SMPX: variants seen among roughly 807,000 people sequenced by gnomAD.
SMPX encodes the protein small muscular protein.
In SMPX, 2 loss-of-function variants were observed where a neutral mutation model predicts 6.3. The observed-to-expected ratio is 0.32, with a 90% CI of 0.13 to 0.99. SMPX has a LOEUF of 0.99. Among genes scored for constraint, SMPX ranks in the 50% least tolerant of loss-of-function variants. SMPX has a pLI of 0.49. For synonymous variants in SMPX, 32 were observed against 24.7 expected, an observed-to-expected ratio of 1.30 and a Z score of -0.88; for missense variants, 60 against 66.8, an observed-to-expected ratio of 0.90 and a Z score of 0.36.
intron 2 of SMPX, among the ~76,000 whole-genome samples, chrX:21,753,056 C>T (rs190618756): frequency 1.8e-5 from 2 of 111,651 alleles, no homozygotes; most frequent in Admixed American, 1.9e-4. Context: ...CAAGGATGTC[C>T]ACAGGTCTGG....
At chrX:21,741,628 A>T (rs2092816148) in intron 3 of SMPX, among the ~76,000 whole-genome samples, 1 of 111,290 alleles carries the variant, frequency 9.0e-6, no homozygotes, top group Non-Finnish European at 1.9e-5. Flanking sequence ...CCTCCCTAAG[A>T]CTGCACAAAT....
rs61469484 is a variant in SMPX, at chrX:21,728,214, T to TTCTC, written c.*14+9331_*14+9334dup. Among the ~76,000 whole-genome samples the TTCTC allele has an allele frequency of 8.7e-3, 418 of 48,258 alleles. 9 individuals carry two copies. The highest frequency in any genetic ancestry group is 0.012 in the Middle Eastern group (1 of 81). 41.9% of individuals were successfully genotyped at this position (48,258 alleles called of 115,157 possible). A position where few individuals can be genotyped will look rare whatever the true frequency, so the allele number is the denominator to read the frequency against. ...TTCCCCTCCTCTCCCTTCCCCTCCT[T>TTCTC]TCTCTCTCTCTCTCTCTCTCTCTCT... On this transcript the variant is annotated intron_variant, in intron 4 of 4. Transcript: ENST00000379494.
chrX:21,728,214 T>TTC lies in SMPX; in HGVS notation c.*14+9333_*14+9334dup, dbSNP rs61469484. Among the ~76,000 whole-genome samples the TTC allele has an allele frequency of 8.4e-3, 405 of 48,268 alleles. 12 individuals are homozygous for TTC. The highest frequency in any genetic ancestry group is 0.014 in the South Asian group (10 of 739). The allele number at this position is 48,268 out of a possible 115,157, so 41.9% of individuals were successfully genotyped here. A position where few individuals can be genotyped will look rare whatever the true frequency, so the allele number is the denominator to read the frequency against. On this transcript the variant is annotated intron_variant, in intron 4 of 4. Coordinates refer to ENST00000379494, the MANE Select transcript of SMPX (RefSeq NM_014332.3). Reference sequence around the variant, plus strand: ...TTCCCCTCCTCTCCCTTCCCCTCCTTTCTCTCTCTCTCTCTCTCTCTCTCT... The same window carrying TTC: ...TTCCCCTCCTCTCCCTTCCCCTCCTTTCTCTCTCTCTCTCTCTCTCTCTCTCT...
chrX:21,737,976 A>G (rs2092812285), intron 3 of SMPX, among the ~76,000 whole-genome samples: 2 of 112,259 alleles, frequency 1.8e-5, no homozygotes, highest in African/African-American at 6.5e-5. Context: ...AACTAACAAA[A>G]ATTACTACTA....
rs1569306443 is a variant in SMPX at position 21,731,428 on chromosome X, T to TATGTGTGTATGTGTACACATACACATA, written c.*14+6094_*14+6120dup. ...TACATATAATATATATACACACATA[T>TATGTGTGTATGTGTACACATACACATA]ATGTGTGTATGTGTACACATACACA... On this transcript the variant is annotated intron_variant, in intron 4 of 4. Transcript: ENST00000379494. Among the ~76,000 whole-genome samples, 4 of 52,729 alleles carry TATGTGTGTATGTGTACACATACACATA rather than the reference T, an allele frequency of 7.6e-5. 1 individual carries two copies. Among genetic ancestry groups the TATGTGTGTATGTGTACACATACACATA allele is most frequent in the East Asian group, 6.6e-4 (1 of 1,511 alleles). 45.8% of individuals were successfully genotyped at this position (52,729 alleles called of 115,157 possible). A position where few individuals can be genotyped will look rare whatever the true frequency, so the allele number is the denominator to read the frequency against.
At chrX:21,741,190 C>G (rs1455633516) in intron 3 of SMPX, among the ~76,000 whole-genome samples, 1 of 111,814 alleles carries the variant, frequency 8.9e-6, no homozygotes, top group Non-Finnish European at 1.9e-5. Context: ...GGGGAACATC[C>G]TCTTCACATC....
intron 4 of SMPX, among the ~76,000 whole-genome samples, chrX:21,730,319 A>G (rs1183119551): frequency 1.8e-5 from 2 of 112,449 alleles, no homozygotes; most frequent in Non-Finnish European, 3.8e-5. Flanking sequence ...ACTATGAGAA[A>G]TAAATCATCC....
chrX:21,731,454 T>TA (rs1167699627), intron 4 of SMPX, among the ~76,000 whole-genome samples: 2 of 88,911 alleles, frequency 2.2e-5, no homozygotes, highest in Non-Finnish European at 4.5e-5. Context: ...CACATACACA[T>TA]AATGTGTGTA....
intron 4 of SMPX, among the ~76,000 whole-genome samples, chrX:21,719,476 C>G (rs751516424): frequency 1.5e-4 from 16 of 108,733 alleles, no homozygotes; most frequent in Non-Finnish European, 2.9e-4. Flanking sequence ...AGAGGTTGTT[C>G]CACTGCTTTC....
intron 4 of SMPX, among the ~76,000 whole-genome samples, chrX:21,711,848 T>G (rs2092779118): frequency 8.9e-6 from 1 of 112,266 alleles, no homozygotes; most frequent in South Asian, 3.7e-4. Context: ...ATGGTCTGGT[T>G]CCATATGCAA....
intron 3 of SMPX, among the ~76,000 whole-genome samples, chrX:21,741,996 C>T (rs945026818): frequency 1.1e-4 from 12 of 111,979 alleles, no homozygotes; most frequent in Non-Finnish European, 1.9e-4. Flanking sequence ...AAAGTGCTTC[C>T]CCAGTCCCCT....
chrX:21,730,725 T>A (rs2092802248), intron 4 of SMPX, among the ~76,000 whole-genome samples: 1 of 112,242 alleles, frequency 8.9e-6, no homozygotes, highest in African/African-American at 3.2e-5. Context: ...GAAGGGGAAA[T>A]ACCAAAGTCA....
intron 4 of SMPX, among the ~76,000 whole-genome samples, chrX:21,719,350 C>T (rs887707136): frequency 9.0e-6 from 1 of 110,570 alleles, no homozygotes; most frequent in Non-Finnish European, 1.9e-5. Context: ...GAAACCCCAT[C>T]TCTACTAAAA....
intron 3 of SMPX, 93 bp from the exon 4 acceptor site, chrX:21,737,790 C>A: frequency 1.2e-6 from 1 of 852,926 alleles, no homozygotes; most frequent in Non-Finnish European, 1.7e-6. Context: ...ATTAAAGTAA[C>A]AATGATGTCA....
At position 21,752,401 on chromosome X, in the gene SMPX, T is replaced by C. The variant is rs371095389; in HGVS notation, c.45+1845A>G. 8.0e-5 allele frequency among the ~76,000 whole-genome samples: 9 copies of C among 112,172 alleles called. No homozygotes were observed. The South Asian group carries it at 3.4e-3, about 42-fold the overall frequency. On this transcript the variant is annotated intron_variant, in intron 2 of 4. Transcript: ENST00000379494. ...CTTCTGGAGGTTCAAATGCAGTGAT[T>C]AAATGATATTACTTCTCACAACTTT...
intron 4 of SMPX, among the ~76,000 whole-genome samples, chrX:21,716,273 A>G (rs2092785007): frequency 8.9e-6 from 1 of 112,082 alleles, no homozygotes; most frequent in African/African-American, 3.2e-5. Context: ...TTTCCAATCA[A>G]TTCATCAGAG....
chrX:21,748,977 C>T (rs1433658989), intron 2 of SMPX, among the ~76,000 whole-genome samples: 1 of 111,627 alleles, frequency 9.0e-6, no homozygotes, highest in Non-Finnish European at 1.9e-5. Context: ...GTCTCTAATG[C>T]CTATCTGTAA....
At chrX:21,735,874 C>A (rs2092809909) in intron 4 of SMPX, among the ~76,000 whole-genome samples, 1 of 111,346 alleles carries the variant, frequency 9.0e-6, no homozygotes, top group Non-Finnish European at 1.9e-5. Context: ...CTCAACTTGG[C>A]AACACAAGCA....
At chrX:21,754,087 A>G (rs895472549) in intron 2 of SMPX, among the ~76,000 whole-genome samples, 159 bp downstream of exon 2, 2 of 112,557 alleles carry the variant, frequency 1.8e-5, no homozygotes, top group African/African-American at 6.5e-5. Context: ...CTCCTGTCTC[A>G]GTTGTACCTA....
Sources: gnomAD v4.1 joint callset for allele counts (sites outside exome capture counted in the v4.1 genomes callset) on GRCh38, gnomAD v4.1.1 for gene constraint, MANE v1.5 for transcripts, NCBI Gene and HGNC (gene_info 2026-07-23, HGNC 2026-07-21) for gene names.